The following PRKAR2B variants were observed in gnomAD, a reference collection of about 807,000 sequenced individuals.
The protein encoded by PRKAR2B is protein kinase cAMP-dependent type II regulatory subunit beta, also known as cAMP-dependent protein kinase type II-beta regulatory subunit.
Under a neutral mutation model 49.9 loss-of-function variants are expected in PRKAR2B, and 14 were observed. The observed-to-expected ratio is 0.28, with a 90% CI of 0.19 to 0.44. The LOEUF is 0.44. PRKAR2B is among the 20% of genes least tolerant of loss of function. The probability of loss-of-function intolerance (pLI) is 1.00; values close to 1 mark genes in which losing one functional copy is unlikely to be tolerated. For missense variants in PRKAR2B, 393 were observed against 537.9 expected, an observed-to-expected ratio of 0.73 and a Z score of 2.67; for synonymous variants, 196 against 197.7, an observed-to-expected ratio of 0.99 and a Z score of 0.07.
At chr7:107,131,886 T>G (rs1283766459) in intron 4 of PRKAR2B, among the ~76,000 whole-genome samples, 1 of 152,264 alleles carries the variant, frequency 6.6e-6, no homozygotes, top group African/African-American at 2.4e-5. Flanking sequence ...GCTTATATAA[T>G]CTGCTTATCA....
rs554183632 is a variant in PRKAR2B, at chr7:107,134,821, A to G, written c.481-6026A>G. Among the ~76,000 whole-genome samples, 4 of 152,336 alleles carry G rather than the reference A, an allele frequency of 2.6e-5. No individual in the cohort carries two copies. In the South Asian group the frequency reaches 8.3e-4, roughly 32 times the overall value. On this transcript the variant is annotated intron_variant, in intron 4 of 10. Coordinates refer to ENST00000265717, the MANE Select transcript of PRKAR2B (RefSeq NM_002736.3). ...AACAAAGCTAGACTCCTTTGCATAT[A>G]CAAGAATTAATTCAGAAGGGATCAA... is the stretch of plus-strand genomic sequence containing the variant.
intron 2 of PRKAR2B, among the ~76,000 whole-genome samples, chr7:107,114,969 A>G (rs1795244615): frequency 6.6e-6 from 1 of 152,208 alleles, no homozygotes; most frequent in Non-Finnish European, 1.5e-5. Flanking sequence ...TGGGCTTATA[A>G]TGAATCATGG....
rs1447749057 is a variant in PRKAR2B, at chr7:107,044,705, C to T, written c.-203C>T. The stretch of plus-strand genomic sequence containing the variant: ...CTGCCAGCCCTCCCGGGGCCGCGCT[C>T]GCTCAGCCGCCGCCACCACACGGAG... On this transcript the variant is annotated 5_prime_UTR_variant, in exon 1 of 11. Transcript: ENST00000265717. 1.1e-5 allele frequency: 2 copies of T among 184,770 alleles called. No homozygotes were observed. Among genetic ancestry groups the T allele is most frequent in the Non-Finnish European group, 2.2e-5 (2 of 92,444 alleles). 11.4% of individuals were successfully genotyped at this position (184,770 alleles called of 1,614,324 possible). A position where few individuals can be genotyped will look rare whatever the true frequency, so the allele number is the denominator to read the frequency against.
At chr7:107,096,049 T>C (rs1370024831) in intron 2 of PRKAR2B, among the ~76,000 whole-genome samples, 19 of 152,220 alleles carry the variant, frequency 1.2e-4, no homozygotes, top group Non-Finnish European at 2.8e-4. Context: ...CCTCTTGTTC[T>C]ATTGTTTGGA....
chr7:107,146,369 A>C lies in PRKAR2B; in HGVS notation c.649A>C (p.Asn217His). The change falls in exon 6 of 11, where the codon AAT (asparagine) becomes CAT (histidine). Residue 217 changes from asparagine to histidine, a missense_variant. Coordinates refer to ENST00000265717, the MANE Select transcript of PRKAR2B (RefSeq NM_002736.3). The stretch of plus-strand genomic sequence containing the variant: ...TGGAAGATGTGTTGGTAACTATGAT[A>C]ATCGTGGGAGTTTCGGCGAACTGGC... ...GVGRCVGNYDNRGSFGELALM... is the reference protein window; with the variant it reads ...GVGRCVGNYDHRGSFGELALM... 6.2e-7 allele frequency: 1 copy of C among 1,614,152 alleles called. No homozygotes were observed. Among genetic ancestry groups the C allele is most frequent in the Non-Finnish European group, 8.5e-7 (1 of 1,180,004 alleles).
intron 2 of PRKAR2B, among the ~76,000 whole-genome samples, chr7:107,086,176 T>C (rs1794615790): frequency 6.6e-6 from 1 of 152,204 alleles, no homozygotes; most frequent in Admixed American, 6.5e-5. Context: ...GAATTTCCTG[T>C]TAAATTTTTT....
At chr7:107,127,412 A>G (rs1434065610) in intron 3 of PRKAR2B, among the ~76,000 whole-genome samples, 1 of 152,242 alleles carries the variant, frequency 6.6e-6, no homozygotes, top group Non-Finnish European at 1.5e-5. Context: ...CTTTTGGTCC[A>G]AGTCAGTTGA....
intron 2 of PRKAR2B, among the ~76,000 whole-genome samples, chr7:107,087,615 A>G (rs1191811734): frequency 6.6e-6 from 1 of 152,182 alleles, no homozygotes; most frequent in Non-Finnish European, 1.5e-5. Context: ...TTACACAGTG[A>G]CTGATGGGCA....
Position 107,157,181 on chromosome 7 carries a change from GT to G in PRKAR2B, c.985-4del. ...AAAAGCTCATCTTTTTAATTGCCTT[GT>G]CAGGGTAAATCAGAAGTGGAAGAGA... On this transcript the variant is annotated splice_region_variant and splice_polypyrimidine_tract_variant and intron_variant, in intron 9 of 10. Coordinates refer to ENST00000265717, the MANE Select transcript of PRKAR2B (RefSeq NM_002736.3). 6.2e-7 allele frequency: 1 copy of G among 1,611,394 alleles called. No individual in the cohort carries two copies. The highest frequency in any genetic ancestry group is 8.5e-7 in the Non-Finnish European group (1 of 1,178,580).
chr7:107,073,049 A>T (rs2116776403), intron 2 of PRKAR2B, among the ~76,000 whole-genome samples: 1 of 152,330 alleles, frequency 6.6e-6, no homozygotes, highest in Middle Eastern at 3.4e-3. Context: ...ATCATTGTTG[A>T]TTGAAAAGAA....
chr7:107,054,020 G>C (rs1409591158), intron 1 of PRKAR2B, among the ~76,000 whole-genome samples: 1 of 152,158 alleles, frequency 6.6e-6, no homozygotes, highest in Admixed American at 6.6e-5. Context: ...ATGAAAGAAA[G>C]GCAATTCTTT....
chr7:107,072,655 T>C (rs1165646583), intron 2 of PRKAR2B, among the ~76,000 whole-genome samples: 1 of 152,174 alleles, frequency 6.6e-6, no homozygotes, highest in African/African-American at 2.4e-5. Context: ...TACAGTTTTT[T>C]TGTTAATTTA....
chr7:107,129,851 AGT>A (rs1795571518), intron 4 of PRKAR2B, among the ~76,000 whole-genome samples: 1 of 152,050 alleles, frequency 6.6e-6, no homozygotes, highest in Admixed American at 6.5e-5. Context: ...TTCTGGTGGG[AGT>A]GTGGCAGTGA....
At position 107,045,065 on chromosome 7, in the gene PRKAR2B, A is replaced by G. The variant is rs1433680128; in HGVS notation, c.158A>G (p.His53Arg). ...CGCAAAGGCACCGCGCGCTTCGGCC[A>G]TGAGGGCAGGACCTGGGGGGACCTG... ...NERKGTARFGHEGRTWGDLGA... is the reference protein window; with the variant it reads ...NERKGTARFGREGRTWGDLGA... The change falls in exon 1 of 11, where the codon CAT becomes CGT. Residue 53 changes from histidine (H) to arginine (R), a missense_variant. Coordinates refer to ENST00000265717, the MANE Select transcript of PRKAR2B (RefSeq NM_002736.3). 5 of 1,542,800 alleles carry G rather than the reference A, an allele frequency of 3.2e-6. No individual in the cohort carries two copies. Among genetic ancestry groups the G allele is most frequent in the East Asian group, 2.4e-5 (1 of 41,254 alleles).
intron 1 of PRKAR2B, among the ~76,000 whole-genome samples, chr7:107,059,962 T>TA (rs1793994511): frequency 6.6e-6 from 1 of 152,148 alleles, no homozygotes; most frequent in Admixed American, 6.6e-5. Context: ...CAGGAGCAAA[T>TA]ACGAGAACCC....
chr7:107,093,142 T>G (rs377738426), intron 2 of PRKAR2B, among the ~76,000 whole-genome samples: 1 of 152,250 alleles, frequency 6.6e-6, no homozygotes, highest in Non-Finnish European at 1.5e-5. Flanking sequence ...CTTGGGTTGC[T>G]TCTACCTTTG....
chr7:107,112,003 C>A (rs1392884005), intron 2 of PRKAR2B, among the ~76,000 whole-genome samples: 10 of 46,184 alleles, frequency 2.2e-4, no homozygotes, highest in East Asian at 7.8e-4. Flanking sequence ...CCTCCTCTAC[C>A]AAAAAAAAAA....
At chr7:107,063,448 A>C (rs1794066555) in intron 1 of PRKAR2B, among the ~76,000 whole-genome samples, 1 of 152,216 alleles carries the variant, frequency 6.6e-6, no homozygotes, top group South Asian at 2.1e-4. Context: ...CCCTGCCCTC[A>C]TGGAGCTTAT....
At chr7:107,133,022 A>G (rs1055264861) in intron 4 of PRKAR2B, among the ~76,000 whole-genome samples, 1 of 152,156 alleles carries the variant, frequency 6.6e-6, no homozygotes, top group African/African-American at 2.4e-5. Context: ...AGGCTCTTTC[A>G]TTAATGAAGA....
Sources: gnomAD v4.1 joint callset for allele counts (sites outside exome capture counted in the v4.1 genomes callset) on GRCh38, gnomAD v4.1.1 for gene constraint, MANE v1.5 for transcripts, NCBI Gene and HGNC (gene_info 2026-07-23, HGNC 2026-07-21) for gene names.